PRORP: variants seen among roughly 807,000 people sequenced by gnomAD.
The protein encoded by PRORP is protein only RNase P catalytic subunit.
A neutral mutation model predicts 59.4 loss-of-function variants in PRORP; 51 were observed. The observed-to-expected ratio is 0.86, with a 90% CI of 0.69 to 1.08. The LOEUF is 1.08. PRORP is among the 50% of genes least tolerant of loss of function. The pLI, the probability that PRORP is intolerant of heterozygous loss-of-function variation, is 0.00. For synonymous variants in PRORP, 231 were observed against 245.6 expected, an observed-to-expected ratio of 0.94 and a Z score of 0.55; for missense variants, 646 against 690.3, an observed-to-expected ratio of 0.94 and a Z score of 0.72.
At chr14:35,168,258 C>T (rs1436290480) in intron 4 of PRORP, among the ~76,000 whole-genome samples, 8 of 152,116 alleles carry the variant, frequency 5.3e-5, no homozygotes, top group African/African-American at 1.9e-4. Flanking sequence ...CCAGTTGCTC[C>T]ACATACTTGT....
intron 5 of PRORP, among the ~76,000 whole-genome samples, chr14:35,183,559 T>G (rs2048671544): frequency 6.6e-6 from 1 of 152,192 alleles, no homozygotes; most frequent in South Asian, 2.1e-4. Flanking sequence ...ACAGCCTCTG[T>G]GCATGTTTCA....
intron 5 of PRORP, among the ~76,000 whole-genome samples, chr14:35,226,742 C>T (rs4530028): frequency 0.79 from 119,331 of 150,238 alleles, 46,844 homozygotes; most frequent in Middle Eastern, 0.83. Flanking sequence ...ATTATTATTT[C>T]ATTATTTTTT....
chr14:35,137,806 A>G (rs2047405993), intron 4 of PRORP, among the ~76,000 whole-genome samples: 1 of 145,324 alleles, frequency 6.9e-6, no homozygotes, highest in South Asian at 2.3e-4. Flanking sequence ...AAAGTAGTTA[A>G]CATGGTCTGC....
rs199940906 is a variant in PRORP at position 35,148,418 on chromosome 14, C to CT, written c.1167+20815dup. Among the ~76,000 whole-genome samples the CT allele has an allele frequency of 8.1e-4, 123 of 152,012 alleles. 4 individuals are homozygous for CT. In the East Asian group the frequency reaches 0.014, roughly 18 times the overall value. On this transcript the variant is annotated intron_variant, in intron 4 of 7. Transcript: ENST00000534898. ...ACTGAGCAATAATATTTTGAAGAGT[C>CT]TTTTTTTTGGAGCAGTAGGTCTCCA...
chr14:35,178,002 AC>A (rs1211400259), intron 4 of PRORP, among the ~76,000 whole-genome samples: 2 of 152,138 alleles, frequency 1.3e-5, no homozygotes, highest in Non-Finnish European at 2.9e-5. Flanking sequence ...TTCATTATGT[AC>A]CCAGTATTCA....
At chr14:35,158,757 G>T in intron 4 of PRORP, 2 of 371,408 alleles carry the variant, frequency 5.4e-6, no homozygotes, top group South Asian at 2.6e-5. Context: ...CAACTATTGT[G>T]AGCAGCAACT....
chr14:35,208,942 A>G (rs1386509008), intron 5 of PRORP, among the ~76,000 whole-genome samples: 6 of 151,196 alleles, frequency 4.0e-5, no homozygotes, highest in Non-Finnish European at 8.9e-5. Flanking sequence ...TTTGGGAGGC[A>G]ATCACTTGAA....
At chr14:35,244,864 CT>C (rs1344268180) in intron 5 of PRORP, among the ~76,000 whole-genome samples, 2 of 152,170 alleles carry the variant, frequency 1.3e-5, no homozygotes, top group Non-Finnish European at 2.9e-5. Flanking sequence ...AAATAATTTT[CT>C]TGCTTTTCAT....
In PRORP at chr14:35,123,319, G is replaced by T. The variant is rs369537536; in HGVS notation, c.74G>T (p.Gly25Val). ...WKSPYLGLGP[G>V]HSYVSLFLAD... ...AGCCCATACCTTGGGCTAGGCCCAG[G>T]GCACTCTTATGTCTCGCTGTTTCTG... Residue 25 changes from glycine (G) to valine (V), a missense_variant, in exon 2 of 8, where the codon GGG becomes GTG. Coordinates refer to ENST00000534898, the MANE Select transcript of PRORP (RefSeq NM_014672.4). 6 of 1,613,916 alleles carry T rather than the reference G, an allele frequency of 3.7e-6. No homozygotes were observed. In the African/African-American group the frequency reaches 5.3e-5, roughly 14 times the overall value.
intron 5 of PRORP, among the ~76,000 whole-genome samples, chr14:35,220,736 C>T (rs895127750): frequency 1.3e-5 from 2 of 152,072 alleles, no homozygotes; most frequent in African/African-American, 4.8e-5. Flanking sequence ...AATTATTCCC[C>T]ATGACATGGC....
intron 4 of PRORP, chr14:35,159,069 T>C: frequency 4.3e-6 from 1 of 232,274 alleles, no homozygotes. Flanking sequence ...CTGTTGACGC[T>C]CCTCTCCTAA....
intron 4 of PRORP, among the ~76,000 whole-genome samples, chr14:35,160,422 G>A (rs1481038083): frequency 6.6e-6 from 1 of 152,168 alleles, no homozygotes; most frequent in Non-Finnish European, 1.5e-5. Context: ...TTGAATTTAT[G>A]CACTAGAAAT....
intron 4 of PRORP, among the ~76,000 whole-genome samples, chr14:35,153,099 A>G (rs148103667): frequency 0.015 from 2,314 of 152,340 alleles, 49 homozygotes; most frequent in African/African-American, 0.051. Context: ...AGCCTGGGCA[A>G]CATTGAGCAC....
intron 4 of PRORP, among the ~76,000 whole-genome samples, chr14:35,177,438 T>G (rs2048482188): frequency 6.6e-6 from 1 of 152,160 alleles, no homozygotes; most frequent in Non-Finnish European, 1.5e-5. Flanking sequence ...ATTGGTCTAT[T>G]CAGAGATTCA....
intron 4 of PRORP, among the ~76,000 whole-genome samples, chr14:35,140,055 T>A (rs1482223299): frequency 6.9e-6 from 1 of 145,834 alleles, no homozygotes; most frequent in African/African-American, 2.4e-5. Context: ...TAATCTAGCA[T>A]GACCTTGTCT....
At chr14:35,155,113 C>T (rs1466239244) in intron 4 of PRORP, among the ~76,000 whole-genome samples, 7 of 152,130 alleles carry the variant, frequency 4.6e-5, no homozygotes, top group African/African-American at 9.7e-5. Context: ...AGGCTGGTCT[C>T]GAACTCGTGG....
intron 5 of PRORP, among the ~76,000 whole-genome samples, chr14:35,265,741 T>C (rs998437931): frequency 2.0e-5 from 3 of 152,196 alleles, no homozygotes; most frequent in African/African-American, 4.8e-5. Context: ...TCAAAACTTA[T>C]GTAGAATACC....
chr14:35,216,515 TCCA>T (rs1280558879), intron 5 of PRORP, among the ~76,000 whole-genome samples: 10 of 152,098 alleles, frequency 6.6e-5, no homozygotes, highest in African/African-American at 2.2e-4. Flanking sequence ...CACTAGGTTG[TCCA>T]CACTGGTATA....
intron 5 of PRORP, among the ~76,000 whole-genome samples, chr14:35,234,756 G>C (rs777367254): frequency 1.4e-5 from 2 of 145,330 alleles, no homozygotes; most frequent in Non-Finnish European, 3.0e-5. Flanking sequence ...ATAGCTTACT[G>C]TAGCCTCTGA....
Sources: gnomAD v4.1 joint callset for allele counts (sites outside exome capture counted in the v4.1 genomes callset) on GRCh38, gnomAD v4.1.1 for gene constraint, MANE v1.5 for transcripts, NCBI Gene and HGNC (gene_info 2026-07-23, HGNC 2026-07-21) for gene names.